Variants in RNF43 observed in about 807,000 individuals in gnomAD.
The protein encoded by RNF43 is ring finger protein 43.
Under a neutral mutation model 78.4 loss-of-function variants are expected in RNF43, and 37 were observed. The ratio of observed to expected loss-of-function variants is 0.47; its 90% confidence interval spans 0.36 to 0.62. The LOEUF is 0.62. Among genes scored for constraint, RNF43 ranks in the 20% least tolerant of loss-of-function variants. The probability of loss-of-function intolerance (pLI) is 0.00; values close to 1 mark genes in which losing one functional copy is unlikely to be tolerated. For missense variants in RNF43, 774 were observed against 1,007.9 expected (o/e 0.77, Z 3.14); for synonymous variants, 347 against 395.0 (o/e 0.88, Z 1.44).
chr17:58,395,891 T>C (rs1311326508), intron 2 of RNF43, among the ~76,000 whole-genome samples: 1 of 152,186 alleles, frequency 6.6e-6, no homozygotes, highest in Non-Finnish European at 1.5e-5. Context: ...TATTTTGGAA[T>C]TGTCTCTAAA....
At chr17:58,388,531 C>G (rs1317050140) in intron 2 of RNF43, among the ~76,000 whole-genome samples, 1 of 152,180 alleles carries the variant, frequency 6.6e-6, no homozygotes, top group African/African-American at 2.4e-5. Flanking sequence ...TGGCCTCTTA[C>G]TTGGCAAGTA....
At position 58,360,316 on chromosome 17, in the gene RNF43, A is replaced by C. The variant is rs1244362479; in HGVS notation, c.850-65T>G. 10 of 1,159,790 alleles carry C rather than the reference A, an allele frequency of 8.6e-6. No homozygotes were observed. Among genetic ancestry groups the C allele is most frequent in the African/African-American group, 1.5e-5 (1 of 65,908 alleles). The allele number at this position is 1,159,790 out of a possible 1,614,324, so 71.8% of individuals were successfully genotyped here. A position where few individuals can be genotyped will look rare whatever the true frequency, so the allele number is the denominator to read the frequency against. On this transcript the variant is annotated intron_variant, in intron 7 of 9. Coordinates refer to ENST00000407977, the MANE Select transcript of RNF43 (RefSeq NM_017763.6). The surrounding 1 kb of genome is among the most constrained non-coding windows in gnomAD (Gnocchi z 4.3). ...GCCATAGGAATTGCCAGGAATCAGG[A>C]CATCCCCCAACTCCCTTAGGCCTCT...
chr17:58,377,834 G>A (rs1484264244), intron 2 of RNF43, among the ~76,000 whole-genome samples: 2 of 152,016 alleles, frequency 1.3e-5, no homozygotes, highest in African/African-American at 2.4e-5. Flanking sequence ...GGCATCAAAG[G>A]CATCATTCTC....
chr17:58,353,997 A>G lies in RNF43; in HGVS notation c.*946T>C, dbSNP rs746100817. The G allele has an allele frequency of 5.3e-6, 1 of 188,176 alleles. No homozygotes were observed. The highest frequency in any genetic ancestry group is 1.1e-5 in the Non-Finnish European group (1 of 89,160). The allele number at this position is 188,176 out of a possible 1,614,324, so 11.7% of individuals were successfully genotyped here. On this transcript the variant is annotated 3_prime_UTR_variant, in exon 10 of 10. Coordinates refer to ENST00000407977, the MANE Select transcript of RNF43 (RefSeq NM_017763.6). The stretch of plus-strand genomic sequence containing the variant: ...ACTCTCCTGTGGGTCCCTGGCCTGT[A>G]TGGCTTATACTGGGGAGCTGGGCCT...
chr17:58,362,013 G>A (rs1352569252), intron 6 of RNF43, among the ~76,000 whole-genome samples: 1 of 151,864 alleles, frequency 6.6e-6, no homozygotes, highest in East Asian at 1.9e-4. Flanking sequence ...TTGAACCCAG[G>A]AGGCAGAGAT....
chr17:58,357,191 GC>G lies in RNF43; in HGVS notation c.2308+276del. On this transcript the variant is annotated intron_variant, in intron 9 of 9. Coordinates refer to ENST00000407977, the MANE Select transcript of RNF43 (RefSeq NM_017763.6). This position sits in a 1 kb window ranked among gnomAD's most constrained non-coding sequence, Gnocchi z 4.5. ...TTACAGGCATGAGCCATCACACCCGGCCTTCCAAGTGCCTTTCTGATGCCTC... is the reference window on the plus strand; with the variant it reads ...TTACAGGCATGAGCCATCACACCCGGCTTCCAAGTGCCTTTCTGATGCCTC... 1.4e-6 allele frequency: 1 copy of G among 702,636 alleles called. No individual in the cohort carries two copies. Among genetic ancestry groups the G allele is most frequent in the Non-Finnish European group, 2.6e-6 (1 of 385,620 alleles). 43.5% of individuals were successfully genotyped at this position (702,636 alleles called of 1,614,324 possible). A position where few individuals can be genotyped will look rare whatever the true frequency, so the allele number is the denominator to read the frequency against.
Position 58,358,292 on chromosome 17 carries a change from G to T in RNF43, c.1484C>A (p.Ser495Tyr), listed in dbSNP as rs763525805. The part of the protein sequence containing the change: ...ISLQGVHGSS[S>Y]TFCSSLSSDF... ...ACTGCTTAGGGAGCTGCAGAAAGTA[G>T]AACTGCTGCCATGGACCCCCTGTAG... The change falls in exon 9 of 10, where the codon TCT (serine) becomes TAT (tyrosine). Residue 495 changes from serine (S) to tyrosine (Y), a missense_variant. By Grantham distance (144) the Ser-to-Tyr change is moderately radical (BLOSUM62 -2). Coordinates refer to ENST00000407977, the MANE Select transcript of RNF43 (RefSeq NM_017763.6). The surrounding 1 kb of genome is among the most constrained non-coding windows in gnomAD (Gnocchi z 6.2). The T allele has an allele frequency of 3.1e-6, 5 of 1,614,180 alleles. No homozygotes were observed. Among genetic ancestry groups the T allele is most frequent in the Non-Finnish European group, 4.2e-6 (5 of 1,180,032 alleles).
At chr17:58,415,241 G>T in intron 2 of RNF43, 85 bp downstream of exon 2, 1 of 1,421,780 alleles carries the variant, frequency 7.0e-7, no homozygotes, top group Non-Finnish European at 9.8e-7. Flanking sequence ...GTAGAAGCCC[G>T]TGTATGGTAT....
At position 58,358,947 on chromosome 17, in the gene RNF43, G is replaced by T. The variant is rs1157872471; in HGVS notation, c.953-124C>A. On this transcript the variant is annotated intron_variant, in intron 8 of 9. Transcript: ENST00000407977. This position sits in a 1 kb window ranked among gnomAD's most constrained non-coding sequence, Gnocchi z 6.2. Reference sequence around the variant, plus strand: ...TAGCCTGTGAGCTCAGAGTTTGGGGGATCAAGGACGTGCCTAAGCTGCCTG... The same window carrying T: ...TAGCCTGTGAGCTCAGAGTTTGGGGTATCAAGGACGTGCCTAAGCTGCCTG... 1.5e-5 allele frequency: 16 copies of T among 1,048,704 alleles called. No homozygotes were observed. Among genetic ancestry groups the T allele is most frequent in the Non-Finnish European group, 2.1e-5 (16 of 763,580 alleles). 65.0% of individuals were successfully genotyped at this position (1,048,704 alleles called of 1,614,324 possible). A position where few individuals can be genotyped will look rare whatever the true frequency, so the allele number is the denominator to read the frequency against.
Position 58,360,190 on chromosome 17 carries a change from T to G in RNF43, c.911A>C (p.His304Pro), listed in dbSNP as rs1462013565. 6.2e-7 allele frequency: 1 copy of G among 1,613,936 alleles called. No individual in the cohort carries two copies. Among genetic ancestry groups the G allele is most frequent in the Non-Finnish European group, 8.5e-7 (1 of 1,179,996 alleles). Residue 304 changes from histidine to proline, a missense_variant, in exon 8 of 10, where the codon CAT (histidine) becomes CCT (proline). Coordinates refer to ENST00000407977, the MANE Select transcript of RNF43 (RefSeq NM_017763.6). This position sits in a 1 kb window ranked among gnomAD's most constrained non-coding sequence, Gnocchi z 4.3. ...FHRNCVDPWL[H>P]QHRTCPLCMF... ...GCAGAGGGGGCAAGTCCGATGCTGATGTAACCAGGGGTCCACACAGTTACG... is the reference window on the plus strand; with the variant it reads ...GCAGAGGGGGCAAGTCCGATGCTGAGGTAACCAGGGGTCCACACAGTTACG...
intron 2 of RNF43, among the ~76,000 whole-genome samples, chr17:58,386,188 G>C (rs1973429885): frequency 6.6e-6 from 1 of 152,090 alleles, no homozygotes; most frequent in African/African-American, 2.4e-5. Context: ...AGCACTTTGG[G>C]AGGCCAAGGT....
intron 2 of RNF43, among the ~76,000 whole-genome samples, chr17:58,408,386 T>C (rs2143670194): frequency 6.6e-6 from 1 of 152,254 alleles, no homozygotes; most frequent in Non-Finnish European, 1.5e-5. Flanking sequence ...AAACTGTGCT[T>C]TAGGGTATCT....
chr17:58,355,011 A>G (rs1222672661), intron 9 of RNF43, 25 bp from the exon 10 acceptor site: 1 of 1,611,320 alleles, frequency 6.2e-7, no homozygotes, highest in Non-Finnish European at 8.5e-7. Flanking sequence ...CGGGGAGGAA[A>G]GAGGTCATTG....
At chr17:58,410,030 G>A (rs1471356257) in intron 2 of RNF43, among the ~76,000 whole-genome samples, 3 of 96,116 alleles carry the variant, frequency 3.1e-5, no homozygotes, top group African/African-American at 4.2e-5. Context: ...CCCACCAACC[G>A]AGAGTCTGCC....
At chr17:58,356,071 A>G (rs1287139223) in intron 9 of RNF43, among the ~76,000 whole-genome samples, 1 of 152,256 alleles carries the variant, frequency 6.6e-6, no homozygotes, top group Non-Finnish European at 1.5e-5. Context: ...CTCAAAGTAC[A>G]CACACAATAG....
chr17:58,391,334 A>C lies in RNF43; in HGVS notation c.253-20301T>G, dbSNP rs114639130. 3.0e-3 allele frequency among the ~76,000 whole-genome samples: 450 copies of C among 152,298 alleles called. 2 individuals carry two copies. Among genetic ancestry groups the C allele is most frequent in the African/African-American group, 0.01 (435 of 41,566 alleles). On this transcript the variant is annotated intron_variant, in intron 2 of 9. Transcript: ENST00000407977. ...ATCCCACCTCTCCACCACTACCCCCATTCCACACCGCCCAACACATTTTTT... is the reference window on the plus strand; with the variant it reads ...ATCCCACCTCTCCACCACTACCCCCCTTCCACACCGCCCAACACATTTTTT...
Position 58,358,892 on chromosome 17 carries a change from A to C in RNF43, c.953-69T>G. 2 of 1,392,114 alleles carry C rather than the reference A, an allele frequency of 1.4e-6. No individual in the cohort carries two copies. The highest frequency in any genetic ancestry group is 1.9e-6 in the Non-Finnish European group (2 of 1,062,260). 86.2% of individuals were successfully genotyped at this position (1,392,114 alleles called of 1,614,324 possible). On this transcript the variant is annotated intron_variant, in intron 8 of 9. Transcript: ENST00000407977. This position sits in a 1 kb window ranked among gnomAD's most constrained non-coding sequence, Gnocchi z 6.2. ...CTACAGAGAATGCATTCAGAAAGAC[A>C]TGGCTGTAGCTAATCTATTTGACCC...
At chr17:58,388,390 C>T (rs972857349) in intron 2 of RNF43, among the ~76,000 whole-genome samples, 5 of 152,118 alleles carry the variant, frequency 3.3e-5, no homozygotes, top group African/African-American at 4.8e-5. Context: ...CTTTGTGACA[C>T]GGCATATCAA....
Position 58,354,898 on chromosome 17 carries a change from A to G in RNF43, c.*45T>C, listed in dbSNP as rs2143364473. The G allele has an allele frequency of 6.3e-7, 1 of 1,594,652 alleles. No homozygotes were observed. The highest frequency in any genetic ancestry group is 8.6e-7 in the Non-Finnish European group (1 of 1,162,280). Reference sequence around the variant, plus strand: ...AGGACTCTGTGCCAGGTAGGGCCCAAACACATCTGGAGCACACTCTTGGTT... The same window carrying G: ...AGGACTCTGTGCCAGGTAGGGCCCAGACACATCTGGAGCACACTCTTGGTT... On this transcript the variant is annotated 3_prime_UTR_variant, in exon 10 of 10. Transcript: ENST00000407977.
Sources: gnomAD v4.1 joint callset for allele counts (sites outside exome capture counted in the v4.1 genomes callset) on GRCh38, gnomAD v4.1.1 for gene constraint, Gnocchi (gnomAD v3.1) non-coding constraint, MANE v1.5 for transcripts, NCBI Gene and HGNC (gene_info 2026-07-23, HGNC 2026-07-21) for gene names.